The following OGT variants were observed in gnomAD, a reference collection of about 807,000 sequenced individuals.
The protein encoded by OGT is O-linked N-acetylglucosamine (GlcNAc) transferase, also known as UDP-N-acetylglucosamine--peptide N-acetylglucosaminyltransferase 110 kDa subunit.
A neutral mutation model predicts 75.8 loss-of-function variants in OGT; 3 were observed. That is an observed-to-expected ratio of 0.04 (90% CI 0.02 to 0.10). The LOEUF (loss-of-function observed/expected upper bound fraction) is 0.10, where lower values mean the gene tolerates loss of function less well. OGT is among the 10% of genes least tolerant of loss of function. The probability of loss-of-function intolerance (pLI) is 1.00; values close to 1 mark genes in which losing one functional copy is unlikely to be tolerated. For missense variants in OGT, 260 were observed against 824.4 expected, an observed-to-expected ratio of 0.32 and a Z score of 8.38; for synonymous variants, 257 against 289.7, an observed-to-expected ratio of 0.89 and a Z score of 1.15.
At chrX:71,554,659 C>A in intron 6 of OGT, 67 bp downstream of exon 6, 1 of 870,624 alleles carries the variant, frequency 1.1e-6, no homozygotes, top group Non-Finnish European at 1.7e-6. Flanking sequence ...ACAGTTTGGA[C>A]CGAAATGATG....
intron 14 of OGT, among the ~76,000 whole-genome samples, chrX:71,560,831 A>G (rs1343927343): frequency 9.0e-6 from 1 of 111,185 alleles, no homozygotes; most frequent in Non-Finnish European, 1.9e-5. Context: ...TCTTCAGCAT[A>G]GCTTTTGTAA....
In OGT at chrX:71,536,975, T is replaced by G. The variant is rs188218467; in HGVS notation, c.218+617T>G. ...CCAATGTGGTGGGTTTTTTTTTTTT[T>G]TTTTTTTTTTGAGACGGAGTTTCGC... On this transcript the variant is annotated intron_variant, in intron 2 of 21. Coordinates refer to ENST00000373719, the MANE Select transcript of OGT (RefSeq NM_181672.3). 356 of 198,677 alleles carry G rather than the reference T, an allele frequency of 1.8e-3. 1 individual carries two copies. The highest frequency in any genetic ancestry group is 0.012 in the African/African-American group (332 of 28,047). The allele number at this position is 198,677 out of a possible 1,213,427, so 16.4% of individuals were successfully genotyped here.
Position 71,573,846 on chromosome X carries a change from G to A in OGT, c.*52G>A, listed in dbSNP as rs1423558806. On this transcript the variant is annotated 3_prime_UTR_variant, in exon 22 of 22. Coordinates refer to ENST00000373719, the MANE Select transcript of OGT (RefSeq NM_181672.3). Reference sequence around the variant, plus strand: ...CTATACCTGAGCCTCAACCTTCTGGGGGAAAGGGAACTAGATAACATACTT... The same window carrying A: ...CTATACCTGAGCCTCAACCTTCTGGAGGAAAGGGAACTAGATAACATACTT... 4.0e-6 allele frequency: 4 copies of A among 988,508 alleles called. No individual in the cohort carries two copies. In the East Asian group the frequency reaches 9.9e-5, roughly 24 times the overall value. The allele number at this position is 988,508 out of a possible 1,213,427, so 81.5% of individuals were successfully genotyped here.
intron 3 of OGT, among the ~76,000 whole-genome samples, chrX:71,540,295 T>G (rs2040208441): frequency 8.9e-6 from 1 of 112,578 alleles, no homozygotes; most frequent in Admixed American, 9.4e-5. Context: ...CCGTTGTCAG[T>G]TCAGTACTGG....
intron 6 of OGT, 143 bp downstream of exon 6, chrX:71,554,735 C>T: frequency 4.8e-6 from 2 of 415,222 alleles, no homozygotes; most frequent in Non-Finnish European, 8.2e-6. Context: ...TCCTGTGTTG[C>T]CTTTTATTTA....
chrX:71,559,734 TTAGC>T, intron 14 of OGT, 57 bp downstream of exon 14: 1 of 916,848 alleles, frequency 1.1e-6, no homozygotes, highest in Non-Finnish European at 1.6e-6. Flanking sequence ...AATAAAACTA[TTAGC>T]ATATAGTTTA....
intron 3 of OGT, among the ~76,000 whole-genome samples, chrX:71,540,938 G>T (rs1165080926): frequency 8.9e-6 from 1 of 111,783 alleles, no homozygotes; most frequent in Non-Finnish European, 1.9e-5. Context: ...CTCCCAAAGT[G>T]CTGGGATTAC....
At chrX:71,571,433 C>T (rs1367276329) in intron 21 of OGT, among the ~76,000 whole-genome samples, 5 of 112,102 alleles carry the variant, frequency 4.5e-5, no homozygotes, top group Admixed American at 9.4e-5. Flanking sequence ...TAGGGTCTCC[C>T]TCTGTTTCCC....
chrX:71,575,016 A>G lies in OGT; in HGVS notation c.*1222A>G, dbSNP rs1408211872. ...ACAGATTCAGCCTCAGTAGTAGCGA[A>G]CTGCACTGCTGTTTGGTTTGGAGTA... On this transcript the variant is annotated 3_prime_UTR_variant, in exon 22 of 22. Coordinates refer to ENST00000373719, the MANE Select transcript of OGT (RefSeq NM_181672.3). 2.7e-5 allele frequency: 3 copies of G among 111,645 alleles called. No homozygotes were observed. The highest frequency in any genetic ancestry group is 3.8e-5 in the Non-Finnish European group (2 of 53,135). The allele number at this position is 111,645 out of a possible 1,213,427, so 9.2% of individuals were successfully genotyped here. A position where few individuals can be genotyped will look rare whatever the true frequency, so the allele number is the denominator to read the frequency against.
chrX:71,544,867 C>T, intron 4 of OGT: 1 of 387,245 alleles, frequency 2.6e-6, no homozygotes, highest in Non-Finnish European at 4.5e-6. Context: ...CTGAGCTAGA[C>T]CATCTTTATA....
rs1288288848 is a variant in OGT at position 71,554,569 on chromosome X, G to C, written c.705G>C (p.Leu235Phe). The change falls in exon 6 of 22, where the codon TTG becomes TTC. Residue 235 changes from leucine to phenylalanine, a missense_variant. By Grantham distance (22) the Leu-to-Phe change is conservative. Transcript: ENST00000373719. ...LDAYINLGNV[L>F]KEARIFDRAV... ...CTTATATCAATTTAGGAAATGTCTT[G>C]AAAGAGGCACGCATTTTTGACAGGT... 1 of 1,205,223 alleles carries C rather than the reference G, an allele frequency of 8.3e-7. No individual in the cohort carries two copies. The highest frequency in any genetic ancestry group is 1.1e-6 in the Non-Finnish European group (1 of 890,907).
intron 3 of OGT, among the ~76,000 whole-genome samples, chrX:71,543,760 GTGTGTGTA>G (rs1468291663): frequency 3.5e-3 from 216 of 62,518 alleles, no homozygotes; most frequent in African/African-American, 0.026. Context: ...GTGTGTGTGT[GTGTGTGTA>G]TATATATATA....
At chrX:71,546,837 C>A in intron 4 of OGT, 2 of 754,738 alleles carry the variant, frequency 2.6e-6, no homozygotes, top group Non-Finnish European at 3.1e-6. Flanking sequence ...TGCGAATGAA[C>A]CCCTGTGAAC....
At chrX:71,556,444 G>A (rs939345583) in intron 8 of OGT, 15 of 364,004 alleles carry the variant, frequency 4.1e-5, no homozygotes, top group African/African-American at 3.6e-4. Context: ...GATTTCAGTG[G>A]TGTTGGAGTG....
Position 71,555,391 on chromosome X carries a change from G to C in OGT, c.924+6G>C, listed in dbSNP as rs770060870. 1 of 1,196,712 alleles carries C rather than the reference G, an allele frequency of 8.4e-7. No homozygotes were observed. The highest frequency in any genetic ancestry group is 1.8e-5 in the African/African-American group (1 of 56,874). Reference sequence around the variant, plus strand: ...CTCTCAAAGAGAAGGGCAGTGTAAGGATTTTTACTCATTCTATTTGTTATC... The same window carrying C: ...CTCTCAAAGAGAAGGGCAGTGTAAGCATTTTTACTCATTCTATTTGTTATC... On this transcript the variant is annotated splice_donor_region_variant and intron_variant, in intron 7 of 21. Transcript: ENST00000373719.
rs1379403500 is a variant in OGT, at chrX:71,564,624, A to G, written c.2460A>G (p.Gly820=). ...AGATCAACAATAAGGCTGCAACTGG[A>G]GAGGAGGTTCCCCGTACCATTATTG... ...TTQINNKAAT[G]EEVPRTIIVT... The change falls in exon 19 of 22, where the codon GGA becomes GGG. Residue 820 remains glycine (G), a synonymous_variant. Transcript: ENST00000373719. 5 of 1,205,881 alleles carry G rather than the reference A, an allele frequency of 4.1e-6. No homozygotes were observed. The highest frequency in any genetic ancestry group is 4.5e-6 in the Non-Finnish European group (4 of 891,659).
chrX:71,554,349 G>T (rs1401365191), intron 5 of OGT, among the ~76,000 whole-genome samples, 164 bp from the exon 6 acceptor site: 1 of 111,830 alleles, frequency 8.9e-6, no homozygotes, highest in Non-Finnish European at 1.9e-5. Flanking sequence ...ATAATGTTGA[G>T]GTTTGTAAAA....
At chrX:71,544,746 G>T (rs939111235) in intron 4 of OGT, 111 bp downstream of exon 4, 1 of 617,497 alleles carries the variant, frequency 1.6e-6, no homozygotes, top group Non-Finnish European at 2.6e-6. Context: ...CTTTGAAACT[G>T]AGGAAAACTG....
intron 21 of OGT, among the ~76,000 whole-genome samples, chrX:71,572,722 G>A (rs1390395849): frequency 2.7e-5 from 3 of 111,805 alleles, no homozygotes; most frequent in East Asian, 5.6e-4. Context: ...AGCCATCATC[G>A]TTCCATTGCA....
Sources: gnomAD v4.1 joint callset for allele counts (sites outside exome capture counted in the v4.1 genomes callset) on GRCh38, gnomAD v4.1.1 for gene constraint, MANE v1.5 for transcripts, NCBI Gene and HGNC (gene_info 2026-07-23, HGNC 2026-07-21) for gene names.